The following NMNAT2 variants were observed in gnomAD, a reference collection of about 807,000 sequenced individuals.
NMNAT2 encodes nicotinamide/nicotinic acid mononucleotide adenylyltransferase 2.
In NMNAT2, 11 loss-of-function variants were observed where a neutral mutation model predicts 41.6. The observed-to-expected ratio is 0.26, with a 90% CI of 0.17 to 0.44. The LOEUF is 0.44. Among genes scored for constraint, NMNAT2 ranks in the 20% least tolerant of loss-of-function variants. The pLI is 1.00. For synonymous variants in NMNAT2, 148 were observed against 151.2 expected, an observed-to-expected ratio of 0.98 and a Z score of 0.16; for missense variants, 288 against 407.7, an observed-to-expected ratio of 0.71 and a Z score of 2.53.
At chr1:183,312,660 T>C (rs778394313) in intron 1 of NMNAT2, among the ~76,000 whole-genome samples, 1 of 152,134 alleles carries the variant, frequency 6.6e-6, no homozygotes, top group Non-Finnish European at 1.5e-5. Flanking sequence ...GGCCTAGAAG[T>C]CTGGGCCTGC....
intron 5 of NMNAT2, among the ~76,000 whole-genome samples, 175 bp from the exon 6 acceptor site, chr1:183,284,965 A>C (rs1387264839): frequency 6.6e-6 from 1 of 152,180 alleles, no homozygotes; most frequent in Non-Finnish European, 1.5e-5. Flanking sequence ...ATGACAGCAC[A>C]AATTCCTTCT....
At chr1:183,290,295 A>G (rs2102307328) in intron 3 of NMNAT2, 89 bp from the exon 4 acceptor site, 1 of 1,072,022 alleles carries the variant, frequency 9.3e-7, no homozygotes, top group South Asian at 1.5e-5. Context: ...CTCAGGAAGC[A>G]TGGCAGATCT....
chr1:183,398,433 A>G (rs1648716655), intron 1 of NMNAT2, among the ~76,000 whole-genome samples: 2 of 152,044 alleles, frequency 1.3e-5, no homozygotes, highest in South Asian at 4.1e-4. Flanking sequence ...GACCTATAAA[A>G]AGACTTAGAC....
Position 183,259,623 on chromosome 1 carries a change from G to A in NMNAT2, c.821+1379C>T, listed in dbSNP as rs568357425. ...TAATTTTTTTGTGTGTGTGTGTGATGGGGTCTCACTCTGTCACCCAGGCTG... is the reference window on the plus strand; with the variant it reads ...TAATTTTTTTGTGTGTGTGTGTGATAGGGTCTCACTCTGTCACCCAGGCTG... On this transcript the variant is annotated intron_variant, in intron 10 of 10. Transcript: ENST00000287713. 2.6e-5 allele frequency among the ~76,000 whole-genome samples: 4 copies of A among 151,852 alleles called. 1 individual carries two copies. Among genetic ancestry groups the A allele is most frequent in the African/African-American group, 9.7e-5 (4 of 41,444 alleles).
At chr1:183,401,136 A>G (rs928290668) in intron 1 of NMNAT2, among the ~76,000 whole-genome samples, 2 of 152,230 alleles carry the variant, frequency 1.3e-5, no homozygotes, top group Non-Finnish European at 2.9e-5. Flanking sequence ...CAACCTACAG[A>G]ATGAGAGAAA....
At chr1:183,290,277 A>G in intron 3 of NMNAT2, 71 bp from the exon 4 acceptor site, 2 of 1,268,022 alleles carry the variant, frequency 1.6e-6, no homozygotes, top group Non-Finnish European at 2.2e-6. Flanking sequence ...ACCTTCCAAA[A>G]ATCATAGCTC....
chr1:183,284,081 T>C lies in NMNAT2; in HGVS notation c.530-42A>G, dbSNP rs762788966. 6 of 1,570,748 alleles carry C rather than the reference T, an allele frequency of 3.8e-6. No individual in the cohort carries two copies. In the Admixed American group the frequency reaches 1.0e-4, roughly 26 times the overall value. On this transcript the variant is annotated intron_variant, in intron 6 of 10. Transcript: ENST00000287713. ...GAAGGTAGGGCATTAGGGAACAGGC[T>C]TCCTGGTACCCAACACACAGTCTGC...
At chr1:183,341,760 A>C (rs1662821632) in intron 1 of NMNAT2, among the ~76,000 whole-genome samples, 3 of 141,490 alleles carry the variant, frequency 2.1e-5, no homozygotes, top group East Asian at 2.0e-4. Context: ...TGTTTCCTTC[A>C]CTCCAGGTTA....
chr1:183,280,307 C>T (rs1188827460), intron 7 of NMNAT2, among the ~76,000 whole-genome samples: 1 of 152,202 alleles, frequency 6.6e-6, no homozygotes. Flanking sequence ...TTAGATCAAG[C>T]TTGTCCAACC....
At chr1:183,397,183 C>T (rs908210273) in intron 1 of NMNAT2, among the ~76,000 whole-genome samples, 25 of 152,216 alleles carry the variant, frequency 1.6e-4, no homozygotes, top group African/African-American at 5.3e-4. Flanking sequence ...TTTTCCAACC[C>T]GTCCTTGAAT....
intron 1 of NMNAT2, among the ~76,000 whole-genome samples, chr1:183,331,699 C>T (rs1265805271): frequency 6.6e-6 from 1 of 152,230 alleles, no homozygotes; most frequent in Non-Finnish European, 1.5e-5. Flanking sequence ...TAATGCAGGA[C>T]CTTCCCTCCC....
In NMNAT2 at chr1:183,251,368, C is replaced by T. The variant is rs1660371613; in HGVS notation, c.*1273G>A. Reference sequence around the variant, plus strand: ...AGAGAGGGTGAAAATCATCAGTTATCATCAGGGCAACAAATTGCTTTCTCC... The same window carrying T: ...AGAGAGGGTGAAAATCATCAGTTATTATCAGGGCAACAAATTGCTTTCTCC... On this transcript the variant is annotated 3_prime_UTR_variant, in exon 11 of 11. Coordinates refer to ENST00000287713, the MANE Select transcript of NMNAT2 (RefSeq NM_015039.4). 1 of 152,276 alleles carries T rather than the reference C, an allele frequency of 6.6e-6. No homozygotes were observed. Among genetic ancestry groups the T allele is most frequent in the Admixed American group, 6.5e-5 (1 of 15,286 alleles). The allele number at this position is 152,276 out of a possible 1,614,324, so 9.4% of individuals were successfully genotyped here.
chr1:183,264,617 G>A (rs1660756506), intron 8 of NMNAT2, among the ~76,000 whole-genome samples: 1 of 152,182 alleles, frequency 6.6e-6, no homozygotes, highest in African/African-American at 2.4e-5. Flanking sequence ...TGCCCCCAAA[G>A]CACGCCTTGC....
chr1:183,320,214 T>C (rs1662330841), intron 1 of NMNAT2, among the ~76,000 whole-genome samples: 2 of 152,222 alleles, frequency 1.3e-5, no homozygotes, highest in African/African-American at 4.8e-5. Context: ...AGAGGTAGTA[T>C]ATGTGAAATA....
chr1:183,387,639 A>G (rs1274626848), intron 1 of NMNAT2, among the ~76,000 whole-genome samples: 1 of 152,182 alleles, frequency 6.6e-6, no homozygotes, highest in Non-Finnish European at 1.5e-5. Context: ...ACAACATTTC[A>G]GTGCTGGCCC....
intron 1 of NMNAT2, among the ~76,000 whole-genome samples, chr1:183,393,949 T>G (rs144461851): frequency 0.011 from 1,747 of 152,262 alleles, 18 homozygotes; most frequent in Middle Eastern, 0.044. Flanking sequence ...CAACACAAAC[T>G]GGGACAGCTT....
rs200270995 is a variant in NMNAT2, at chr1:183,284,774, C to A, written c.465G>T (p.Lys155Asn). The A allele has an allele frequency of 2.8e-5, 46 of 1,614,046 alleles. No individual in the cohort carries two copies. The highest frequency in any genetic ancestry group is 3.9e-5 in the Non-Finnish European group (46 of 1,180,004). Reference protein sequence around the residue: ...TKPTAAKILGKVGESLSRICC... With the variant: ...TKPTAAKILGNVGESLSRICC... The stretch of plus-strand genomic sequence containing the variant: ...AGATCCGGCTGAGGCTTTCTCCCAC[C>A]TTCCCCAAGATCTTGGCTATGGGAG... The change falls in exon 6 of 11, where the codon AAG (lysine) becomes AAT (asparagine). Residue 155 changes from lysine to asparagine, a missense_variant. Coordinates refer to ENST00000287713, the MANE Select transcript of NMNAT2 (RefSeq NM_015039.4).
intron 7 of NMNAT2, 59 bp from the exon 8 acceptor site, chr1:183,278,688 C>T: frequency 8.2e-7 from 1 of 1,225,120 alleles, no homozygotes; most frequent in Admixed American, 1.7e-5. Flanking sequence ...AAGCATTTGA[C>T]CCTCAGCCTT....
chr1:183,408,620 C>T (rs1649027644), intron 1 of NMNAT2, among the ~76,000 whole-genome samples: 1 of 152,080 alleles, frequency 6.6e-6, no homozygotes, highest in African/African-American at 2.4e-5. Context: ...TATTAGTTTC[C>T]ATATAAACAG....
Sources: allele counts gnomAD v4.1 joint callset (sites outside exome capture counted in the v4.1 genomes callset), GRCh38; gene constraint gnomAD v4.1.1; transcripts MANE v1.5; gene names NCBI Gene and HGNC (gene_info 2026-07-23, HGNC 2026-07-21).